Variants in RIMS1 observed in about 807,000 individuals in gnomAD.
The protein encoded by RIMS1 is regulating synaptic membrane exocytosis 1.
Under a neutral mutation model 214.1 loss-of-function variants are expected in RIMS1, and 83 were observed. The ratio of observed to expected loss-of-function variants is 0.39; its 90% confidence interval spans 0.32 to 0.47. The LOEUF is 0.47. RIMS1 is among the 20% of genes least tolerant of loss of function. The pLI is 0.99. For synonymous variants in RIMS1, 793 were observed against 786.8 expected (o/e 1.01, Z -0.13); for missense variants, 2,050 against 2,161.8 (o/e 0.95, Z 1.03).
chr6:72,299,736 AAATT>A (rs1436905072), intron 26 of RIMS1, among the ~76,000 whole-genome samples: 3 of 151,922 alleles, frequency 2.0e-5, no homozygotes, highest in Admixed American at 2.0e-4. Context: ...GTATAAATAA[AAATT>A]AAGCACATTT....
At chr6:72,305,507 A>C (rs563617316) in intron 26 of RIMS1, among the ~76,000 whole-genome samples, 1 of 152,242 alleles carries the variant, frequency 6.6e-6, no homozygotes, top group East Asian at 1.9e-4. Flanking sequence ...ACTCAAAGCA[A>C]ATGATTGAGC....
intron 29 of RIMS1, among the ~76,000 whole-genome samples, chr6:72,348,299 A>G (rs1239311259): frequency 1.3e-5 from 2 of 152,036 alleles, no homozygotes; most frequent in East Asian, 3.9e-4. Flanking sequence ...ATTCATGGGA[A>G]ATATTATAGA....
At chr6:72,114,806 G>C (rs1175887396) in intron 4 of RIMS1, among the ~76,000 whole-genome samples, 1 of 151,696 alleles carries the variant, frequency 6.6e-6, no homozygotes, top group Admixed American at 6.6e-5. Flanking sequence ...CATTAGAACT[G>C]TACTTAGCTA....
chr6:71,906,569 T>C (rs1263760966), intron 1 of RIMS1, among the ~76,000 whole-genome samples: 1 of 152,130 alleles, frequency 6.6e-6, no homozygotes, highest in African/African-American at 2.4e-5. Flanking sequence ...AAAATGCAGG[T>C]AATAACTGAG....
At chr6:72,397,573 A>G (rs568602355) in intron 31 of RIMS1, among the ~76,000 whole-genome samples, 1 of 152,338 alleles carries the variant, frequency 6.6e-6, no homozygotes, top group Middle Eastern at 3.4e-3. Context: ...AAAATTTAAA[A>G]TCTTGGAATT....
At chr6:71,992,043 A>C (rs1412798675) in intron 2 of RIMS1, among the ~76,000 whole-genome samples, 2 of 152,224 alleles carry the variant, frequency 1.3e-5, no homozygotes, top group Non-Finnish European at 2.9e-5. Flanking sequence ...CAGCCTCAGC[A>C]ACAAGAGTGA....
At chr6:72,265,336 G>T (rs1171542025) in intron 20 of RIMS1, 54 bp from the exon 21 acceptor site, 3 of 1,025,066 alleles carry the variant, frequency 2.9e-6, no homozygotes, top group Non-Finnish European at 4.3e-6. Flanking sequence ...TGTACTTGTT[G>T]ATTTTAATTA....
intron 18 of RIMS1, among the ~76,000 whole-genome samples, chr6:72,260,026 G>A (rs1242036376): frequency 6.6e-6 from 1 of 152,092 alleles, no homozygotes; most frequent in African/African-American, 2.4e-5. Flanking sequence ...TAGGTACTAG[G>A]ATGAAGAGCT....
intron 9 of RIMS1, among the ~76,000 whole-genome samples, 190 bp downstream of exon 9, chr6:72,238,112 C>T (rs1257706379): frequency 6.6e-6 from 1 of 151,514 alleles, no homozygotes; most frequent in Non-Finnish European, 1.5e-5. Context: ...TTACCAATTG[C>T]AATAATAAGT....
intron 4 of RIMS1, among the ~76,000 whole-genome samples, chr6:72,164,186 G>A (rs559844711): frequency 1.1e-3 from 160 of 152,236 alleles, no homozygotes; most frequent in Admixed American, 1.6e-3. Flanking sequence ...AGGACCCTCC[G>A]AGCCAAGTGC....
chr6:72,256,423 G>A (rs2075901113), intron 16 of RIMS1, among the ~76,000 whole-genome samples: 1 of 151,984 alleles, frequency 6.6e-6, no homozygotes, highest in South Asian at 2.1e-4. Context: ...GATAAAAGAG[G>A]CATTAATTTC....
At chr6:72,356,366 G>T (rs1304965560) in intron 29 of RIMS1, among the ~76,000 whole-genome samples, 1 of 151,964 alleles carries the variant, frequency 6.6e-6, no homozygotes, top group Non-Finnish European at 1.5e-5. Context: ...GCCTCTAATG[G>T]CAAAGGGAAG....
intron 1 of RIMS1, among the ~76,000 whole-genome samples, chr6:71,928,110 A>G (rs375365724): frequency 5.3e-5 from 8 of 152,278 alleles, no homozygotes; most frequent in African/African-American, 1.4e-4. Context: ...CCCTGCCCCA[A>G]TCACATTCTG....
intron 29 of RIMS1, among the ~76,000 whole-genome samples, chr6:72,386,004 T>G (rs1431114409): frequency 6.6e-6 from 1 of 152,158 alleles, no homozygotes; most frequent in Non-Finnish European, 1.5e-5. Flanking sequence ...AACAAAAACT[T>G]TAATATTAAA....
intron 2 of RIMS1, among the ~76,000 whole-genome samples, chr6:72,050,241 G>A (rs1310926970): frequency 6.6e-6 from 1 of 152,024 alleles, no homozygotes; most frequent in East Asian, 1.9e-4. Flanking sequence ...TGTTTTGATT[G>A]ACAACTCTCA....
chr6:72,102,550 C>T (rs2033845033), intron 4 of RIMS1, among the ~76,000 whole-genome samples: 2 of 151,924 alleles, frequency 1.3e-5, no homozygotes, highest in Non-Finnish European at 2.9e-5. Flanking sequence ...TGTTTTAAGA[C>T]ATCATAATAA....
At position 72,390,783 on chromosome 6, in the gene RIMS1, G is replaced by A. The variant is rs1281297302; in HGVS notation, c.4505+47G>A. ...GCATGGCTGTGGAACCAGGAATTGT[G>A]TACTAATCAGTAAGATAACAAAGCC... On this transcript the variant is annotated intron_variant, in intron 30 of 33. Transcript: ENST00000521978. 4 of 1,592,100 alleles carry A rather than the reference G, an allele frequency of 2.5e-6. No homozygotes were observed. In the African/African-American group the frequency reaches 5.4e-5, roughly 21 times the overall value.
Position 72,078,664 on chromosome 6 carries a change from G to A in RIMS1, c.246-18285G>A, listed in dbSNP as rs191341294. ...AAGCTTTCTCCTAGACTTAGGAGAA[G>A]CAAAAACAAACACAAAAAAACAAGC... On this transcript the variant is annotated intron_variant, in intron 2 of 33. Coordinates refer to ENST00000521978, the MANE Select transcript of RIMS1 (RefSeq NM_014989.7). Among the ~76,000 whole-genome samples the A allele has an allele frequency of 1.5e-4, 23 of 152,004 alleles. No individual in the cohort carries two copies. The East Asian group carries it at 3.7e-3, about 24-fold the overall frequency.
At chr6:71,968,905 G>A in intron 1 of RIMS1, 78 bp from the exon 2 acceptor site, 2 of 1,382,682 alleles carry the variant, frequency 1.4e-6, no homozygotes, top group Non-Finnish European at 2.1e-6. Context: ...GTGTTTTTCA[G>A]TACCGTGTTT....
Sources: allele counts gnomAD v4.1 joint callset (sites outside exome capture counted in the v4.1 genomes callset), GRCh38; gene constraint gnomAD v4.1.1; transcripts MANE v1.5; gene names NCBI Gene and HGNC (gene_info 2026-07-23, HGNC 2026-07-21).